Variants in PLCH2 observed in about 807,000 individuals in gnomAD.
The protein encoded by PLCH2 is phospholipase C eta 2.
In PLCH2, 98 loss-of-function variants were observed where a neutral mutation model predicts 134.7. That is an observed-to-expected ratio of 0.73 (90% CI 0.62 to 0.86). PLCH2 has a LOEUF of 0.86. Ranked by LOEUF, PLCH2 falls within the 40% of genes least tolerant of loss-of-function variation. The pLI is 0.00. For missense variants in PLCH2, 1,994 were observed against 1,986.6 expected (o/e 1.00, Z -0.07); for synonymous variants, 974 against 827.5 (o/e 1.18, Z -3.04).
At chr1:2,426,877 C>T (rs2100469637) in intron 1 of PLCH2, among the ~76,000 whole-genome samples, 1 of 152,374 alleles carries the variant, frequency 6.6e-6, no homozygotes, top group South Asian at 2.1e-4. Flanking sequence ...TTGCTGGGGC[C>T]TGTGGCTTCT....
chr1:2,419,402 A>G, the PLCH2 span, among the ~76,000 whole-genome samples: 1 of 152,010 alleles, frequency 6.6e-6, no homozygotes, highest in African/African-American at 2.4e-5. Context: ...TTGTGAAGAG[A>G]CAATAATTGT....
intron 2 of PLCH2, among the ~76,000 whole-genome samples, chr1:2,445,226 C>A (rs1203237786): frequency 6.6e-6 from 1 of 152,078 alleles, no homozygotes; most frequent in Non-Finnish European, 1.5e-5. Context: ...TGTGGCTGTG[C>A]TGAGGGTCCC....
chr1:2,460,758 G>A (rs1453782061), intron 2 of PLCH2, among the ~76,000 whole-genome samples: 1 of 152,162 alleles, frequency 6.6e-6, no homozygotes, highest in African/African-American at 2.4e-5. Flanking sequence ...GGCTGTGGGG[G>A]CCTTTGACCA....
chr1:2,461,994 TCTGC>T (rs1640823266), intron 2 of PLCH2, among the ~76,000 whole-genome samples: 1 of 151,822 alleles, frequency 6.6e-6, no homozygotes, highest in African/African-American at 2.4e-5. Flanking sequence ...TCTCTGGAAC[TCTGC>T]CTGCACTGGC....
In PLCH2 at chr1:2,504,453, G is replaced by C; in HGVS notation, c.3491G>C (p.Gly1164Ala). Residue 1164 changes from glycine (G) to alanine (A), a missense_variant, in exon 22 of 22, where the codon GGC (glycine) becomes GCC (alanine). Coordinates refer to ENST00000378486, the MANE Select transcript of PLCH2 (RefSeq NM_014638.4). ...ATTGACCTCTCCCTGCCCAGCCTGG[G>C]CCTGGGCCGCAGCCGTGAGAACCTC... The part of the protein sequence containing the change: ...TVIDLSLPSL[G>A]LGRSRENLAG... 6.2e-7 allele frequency: 1 copy of C among 1,612,570 alleles called. No homozygotes were observed. Among genetic ancestry groups the C allele is most frequent in the Non-Finnish European group, 8.5e-7 (1 of 1,179,766 alleles).
At chr1:2,425,670 C>T (rs1383504010), upstream of PLCH2, among the ~76,000 whole-genome samples, 1 of 151,296 alleles carries the variant, frequency 6.6e-6, no homozygotes, top group Non-Finnish European at 1.5e-5. Flanking sequence ...CGTACCACCG[C>T]GCCTGGCTAA....
intron 2 of PLCH2, among the ~76,000 whole-genome samples, chr1:2,447,830 CG>C (rs1281701795): frequency 1.3e-5 from 2 of 152,148 alleles, no homozygotes; most frequent in African/African-American, 4.8e-5. Flanking sequence ...GACCGGGAAC[CG>C]GGGAATACAG....
At chr1:2,464,615 C>T (rs959351366), upstream of PLCH2, among the ~76,000 whole-genome samples, 1 of 152,200 alleles carries the variant, frequency 6.6e-6, no homozygotes, top group African/African-American at 2.4e-5. Flanking sequence ...ACCTCCTGCT[C>T]CCCCAAGCCA....
In PLCH2 at chr1:2,496,983, C is replaced by T; in HGVS notation, c.2089C>T (p.Pro697Ser). 6.2e-7 allele frequency: 1 copy of T among 1,613,288 alleles called. No homozygotes were observed. Among genetic ancestry groups the T allele is most frequent in the Non-Finnish European group, 8.5e-7 (1 of 1,179,794 alleles). ...RVDSSNYNPQ[P>S]FWNAGCQMVA... Reference sequence around the variant, plus strand: ...GGACTCCAGCAACTACAACCCGCAGCCCTTCTGGAACGCCGGCTGCCAAAT... The same window carrying T: ...GGACTCCAGCAACTACAACCCGCAGTCCTTCTGGAACGCCGGCTGCCAAAT... Residue 697 changes from proline (P) to serine (S), a missense_variant, in exon 15 of 22, where the codon CCC (proline) becomes TCC (serine). Coordinates refer to ENST00000378486, the MANE Select transcript of PLCH2 (RefSeq NM_014638.4).
intron 2 of PLCH2, among the ~76,000 whole-genome samples, chr1:2,462,364 C>A (rs1640862116): frequency 7.8e-6 from 1 of 128,084 alleles, no homozygotes; most frequent in Non-Finnish European, 1.7e-5. Context: ...GACAGCCCCT[C>A]TGACACCGCC....
chr1:2,504,253 G>A lies in PLCH2; in HGVS notation c.3291G>A (p.Glu1097=). 2 of 1,589,746 alleles carry A rather than the reference G, an allele frequency of 1.3e-6. No homozygotes were observed. Among genetic ancestry groups the A allele is most frequent in the Non-Finnish European group, 8.5e-7 (1 of 1,169,842 alleles). Reference sequence around the variant, plus strand: ...CCGTGATTAGAAGGGTGAAGAGTGAGGGGCAGGTGCCCACGGAGCCCCTGG... The same window carrying A: ...CCGTGATTAGAAGGGTGAAGAGTGAAGGGCAGGTGCCCACGGAGCCCCTGG... ...HLPVIRRVKS[E]GQVPTEPLGG... is the part of the protein sequence containing the mutation. Residue 1097 remains glutamate, a synonymous_variant, in exon 22 of 22, where the codon GAG becomes GAA. Coordinates refer to ENST00000378486, the MANE Select transcript of PLCH2 (RefSeq NM_014638.4).
intron 2 of PLCH2, among the ~76,000 whole-genome samples, chr1:2,447,421 C>T (rs930584320): frequency 6.6e-6 from 1 of 152,178 alleles, no homozygotes; most frequent in Non-Finnish European, 1.5e-5. Flanking sequence ...GGCTCCCCCT[C>T]CCCTCCCCCA....
chr1:2,498,699 G>C lies in PLCH2; in HGVS notation c.2350-45G>C, dbSNP rs575945039. The C allele has an allele frequency of 3.1e-5, 48 of 1,555,886 alleles. No homozygotes were observed. The highest frequency in any genetic ancestry group is 3.9e-5 in the Non-Finnish European group (45 of 1,144,140). On this transcript the variant is annotated intron_variant, in intron 17 of 21. Coordinates refer to ENST00000378486, the MANE Select transcript of PLCH2 (RefSeq NM_014638.4). This position sits in a 1 kb window ranked among gnomAD's most constrained non-coding sequence, Gnocchi z 5.4. ...AGGGGTGGGAGTTGGGGGCGGGCCG[G>C]GCATCGCGATGGGCCCTGATGCCAC...
chr1:2,427,750 T>C (rs1372031992), intron 1 of PLCH2, among the ~76,000 whole-genome samples: 4 of 152,066 alleles, frequency 2.6e-5, no homozygotes, highest in Non-Finnish European at 4.4e-5. Flanking sequence ...CCGCAGGTAT[T>C]GAAACAGAAG....
intron 12 of PLCH2, 56 bp downstream of exon 12, chr1:2,495,004 C>T: frequency 8.4e-7 from 1 of 1,185,072 alleles, no homozygotes; most frequent in Admixed American, 2.1e-5. Context: ...CCTCCCTGCT[C>T]CCAGTGCCCC....
chr1:2,421,425 T>C (rs1003828872), upstream of PLCH2, among the ~76,000 whole-genome samples: 1 of 152,240 alleles, frequency 6.6e-6, no homozygotes, highest in East Asian at 1.9e-4. Flanking sequence ...AATTAAATTA[T>C]GTAAAACACA....
intron 2 of PLCH2, among the ~76,000 whole-genome samples, chr1:2,459,507 GGTGGTCCTCCTTC>G (rs1640688326): frequency 1.1e-5 from 1 of 87,934 alleles, no homozygotes; most frequent in African/African-American, 4.1e-5. Context: ...CCTCCTTCCT[GGTGGTCCTCCTTC>G]CTGGTGGTCC....
chr1:2,434,324 C>T (rs948493871), intron 2 of PLCH2, among the ~76,000 whole-genome samples: 2 of 152,312 alleles, frequency 1.3e-5, no homozygotes, highest in Non-Finnish European at 2.9e-5. Flanking sequence ...CCTTCACAGC[C>T]GTTTACAACC....
At chr1:2,473,689 AG>A (rs1329300793), upstream of PLCH2, among the ~76,000 whole-genome samples, 2 of 152,108 alleles carry the variant, frequency 1.3e-5, no homozygotes, top group African/African-American at 4.8e-5. Flanking sequence ...AGCAGGGAGG[AG>A]GACTTCGAGG....
Sources: allele counts gnomAD v4.1 joint callset (sites outside exome capture counted in the v4.1 genomes callset), GRCh38; gene constraint gnomAD v4.1.1; non-coding constraint Gnocchi (gnomAD v3.1); transcripts MANE v1.5; gene names NCBI Gene and HGNC (gene_info 2026-07-23, HGNC 2026-07-21).